The following PSMD3 variants were observed in gnomAD, a reference collection of about 807,000 sequenced individuals.
PSMD3 encodes proteasome 26S subunit, non-ATPase 3.
A neutral mutation model predicts 62.8 loss-of-function variants in PSMD3; 5 were observed. The ratio of observed to expected loss-of-function variants is 0.08; its 90% CI spans 0.04 to 0.17. The LOEUF (loss-of-function observed/expected upper bound fraction) is 0.17, where lower values mean the gene tolerates loss of function less well. Ranked by LOEUF, PSMD3 falls within the 10% of genes least tolerant of loss-of-function variation. PSMD3 has a pLI of 1.00. For missense variants in PSMD3, 524 were observed against 713.6 expected (o/e 0.73, Z 3.03); for synonymous variants, 265 against 283.9 (o/e 0.93, Z 0.67).
Position 39,995,126 on chromosome 17 carries a change from C to T in PSMD3, c.1097-50C>T, listed in dbSNP as rs1488514419. On this transcript the variant is annotated intron_variant, in intron 7 of 11. Transcript: ENST00000264639. The surrounding 1 kb of genome is among the most constrained non-coding windows in gnomAD (Gnocchi z 4.1). The stretch of plus-strand genomic sequence containing the variant: ...AGGCCCCCTTCAGTGGGGCCTCTTA[C>T]ATGCCTGTGCCTATTTGCATCATCC... 1.2e-6 allele frequency: 2 copies of T among 1,613,948 alleles called. No individual in the cohort carries two copies. The highest frequency in any genetic ancestry group is 2.7e-5 in the African/African-American group (2 of 74,920).
Position 39,995,836 on chromosome 17 carries a change from G to T in PSMD3, c.1320+309G>T. The stretch of plus-strand genomic sequence containing the variant: ...CTCTGACTTAGAAGATGGGCGTGCT[G>T]GGCCAGGCGCAGTGGCTCATGCCTG... On this transcript the variant is annotated intron_variant, in intron 9 of 11. Coordinates refer to ENST00000264639, the MANE Select transcript of PSMD3 (RefSeq NM_002809.4). The surrounding 1 kb of genome is among the most constrained non-coding windows in gnomAD (Gnocchi z 4.1). 1 of 489,110 alleles carries T rather than the reference G, an allele frequency of 2.0e-6. No homozygotes were observed. The highest frequency in any genetic ancestry group is 3.3e-5 in the Admixed American group (1 of 30,258). The allele number at this position is 489,110 out of a possible 1,614,324, so 30.3% of individuals were successfully genotyped here.
At chr17:39,987,839 G>C (rs553087943) in intron 3 of PSMD3, among the ~76,000 whole-genome samples, 58 of 152,342 alleles carry the variant, frequency 3.8e-4, no homozygotes, top group African/African-American at 1.2e-3. Flanking sequence ...CAGGTATGGT[G>C]GCTCACGCCT....
At position 39,980,912 on chromosome 17, in the gene PSMD3, C is replaced by T; in HGVS notation, c.-59C>T. 2 of 1,404,196 alleles carry T rather than the reference C, an allele frequency of 1.4e-6. No individual in the cohort carries two copies. The highest frequency in any genetic ancestry group is 1.9e-6 in the Non-Finnish European group (2 of 1,066,814). The allele number at this position is 1,404,196 out of a possible 1,614,324, so 87.0% of individuals were successfully genotyped here. ...CCGGCTCGGCTCCTGGTCCCCGGTG[C>T]GAGGGTTAACGCGAGGCCCCGGCCT... On this transcript the variant is annotated 5_prime_UTR_variant, in exon 1 of 12. Transcript: ENST00000264639.
At chr17:39,992,217 C>T (rs1425258004) in intron 6 of PSMD3, among the ~76,000 whole-genome samples, 2 of 152,122 alleles carry the variant, frequency 1.3e-5, no homozygotes, top group Non-Finnish European at 2.9e-5. Context: ...GTGTCATGTA[C>T]CATGAGAGAG....
chr17:39,987,094 C>T (rs974870462), intron 3 of PSMD3, among the ~76,000 whole-genome samples: 2 of 152,150 alleles, frequency 1.3e-5, no homozygotes, highest in Admixed American at 6.5e-5. Flanking sequence ...AGATGGTTAG[C>T]GTTACATAAA....
Position 39,981,193 on chromosome 17 carries a change from AC to A in PSMD3, c.220+4del. ...GCTGGACACAGTCACCTTGGAGGGT[AC>A]GGCAGCCCAGGCCGGGAACGTGCCG... On this transcript the variant is annotated splice_donor_region_variant and intron_variant, in intron 1 of 11. Coordinates refer to ENST00000264639, the MANE Select transcript of PSMD3 (RefSeq NM_002809.4). 1 of 1,550,054 alleles carries A rather than the reference AC, an allele frequency of 6.5e-7. No homozygotes were observed. Among genetic ancestry groups the A allele is most frequent in the Non-Finnish European group, 8.7e-7 (1 of 1,146,664 alleles).
Position 39,980,899 on chromosome 17 carries a change from C to T in PSMD3, c.-72C>T. ...CTCGTGTGCAGGCCCGGCTCGGCTCCTGGTCCCCGGTGCGAGGGTTAACGC... is the reference window on the plus strand; with the variant it reads ...CTCGTGTGCAGGCCCGGCTCGGCTCTTGGTCCCCGGTGCGAGGGTTAACGC... On this transcript the variant is annotated 5_prime_UTR_variant, in exon 1 of 12. Coordinates refer to ENST00000264639, the MANE Select transcript of PSMD3 (RefSeq NM_002809.4). 1 of 1,355,208 alleles carries T rather than the reference C, an allele frequency of 7.4e-7. No homozygotes were observed. The highest frequency in any genetic ancestry group is 1.5e-5 in the South Asian group (1 of 66,020). 83.9% of individuals were successfully genotyped at this position (1,355,208 alleles called of 1,614,324 possible).
intron 2 of PSMD3, 122 bp from the exon 3 acceptor site, chr17:39,986,453 A>G: frequency 8.0e-7 from 1 of 1,247,038 alleles, no homozygotes; most frequent in Non-Finnish European, 1.1e-6. Flanking sequence ...CTAGCACCTA[A>G]CAAAATCTTG....
intron 1 of PSMD3, 86 bp from the exon 2 acceptor site, chr17:39,984,199 CAAAAAAAAA>C (rs34306234): frequency 2.0e-4 from 63 of 321,430 alleles, no homozygotes; most frequent in African/African-American, 1.6e-3. Context: ...GACTCCGTCT[CAAAAAAAAA>C]AAAAAAAAAA....
chr17:39,983,119 G>A (rs1980426749), intron 1 of PSMD3, among the ~76,000 whole-genome samples: 1 of 151,124 alleles, frequency 6.6e-6, no homozygotes, highest in East Asian at 1.9e-4. Flanking sequence ...TGCAACCTCT[G>A]CCTCCCAAGT....
At chr17:39,985,022 G>A (rs1051186434) in intron 2 of PSMD3, among the ~76,000 whole-genome samples, 2 of 151,944 alleles carry the variant, frequency 1.3e-5, no homozygotes, top group Admixed American at 1.3e-4. Flanking sequence ...CCGCCCAGGA[G>A]TTTGAGACCA....
Position 39,996,633 on chromosome 17 carries a change from T to G in PSMD3, c.1476+295T>G. Reference sequence around the variant, plus strand: ...GGTTCCAAATTTGAGGCATTTAACTTCTCAAAGCTCTGTTTCTCCATCTCT... The same window carrying G: ...GGTTCCAAATTTGAGGCATTTAACTGCTCAAAGCTCTGTTTCTCCATCTCT... On this transcript the variant is annotated intron_variant, in intron 10 of 11. Transcript: ENST00000264639. The surrounding 1 kb of genome is among the most constrained non-coding windows in gnomAD (Gnocchi z 5.1). 1 of 572,216 alleles carries G rather than the reference T, an allele frequency of 1.7e-6. No individual in the cohort carries two copies. The allele number at this position is 572,216 out of a possible 1,614,324, so 35.4% of individuals were successfully genotyped here. A position where few individuals can be genotyped will look rare whatever the true frequency, so the allele number is the denominator to read the frequency against.
chr17:39,984,078 TA>T, intron 1 of PSMD3, among the ~76,000 whole-genome samples: 1 of 151,846 alleles, frequency 6.6e-6, no homozygotes, highest in Admixed American at 6.6e-5. Flanking sequence ...CGGGTGCCTG[TA>T]GTCCCAGCTA....
intron 6 of PSMD3, among the ~76,000 whole-genome samples, chr17:39,990,889 G>A (rs995664723): frequency 2.0e-5 from 3 of 152,200 alleles, no homozygotes; most frequent in African/African-American, 7.2e-5. Flanking sequence ...CTTAAGAGCT[G>A]TCAGTCAGCA....
At chr17:39,991,734 GAGAA>G (rs1313424426) in intron 6 of PSMD3, among the ~76,000 whole-genome samples, 1 of 152,182 alleles carries the variant, frequency 6.6e-6, no homozygotes, top group African/African-American at 2.4e-5. Context: ...AATAATGAAA[GAGAA>G]AGGGTCTTAA....
Position 39,995,913 on chromosome 17 carries a change from G to A in PSMD3, c.1321-270G>A, listed in dbSNP as rs1035339554. The A allele has an allele frequency of 2.0e-6, 1 of 491,592 alleles. No individual in the cohort carries two copies. The highest frequency in any genetic ancestry group is 1.9e-5 in the African/African-American group (1 of 51,356). The allele number at this position is 491,592 out of a possible 1,614,324, so 30.5% of individuals were successfully genotyped here. A position where few individuals can be genotyped will look rare whatever the true frequency, so the allele number is the denominator to read the frequency against. On this transcript the variant is annotated intron_variant, in intron 9 of 11. Transcript: ENST00000264639. This position sits in a 1 kb window ranked among gnomAD's most constrained non-coding sequence, Gnocchi z 4.1. Reference sequence around the variant, plus strand: ...ATGGGCAGATCACCTGAGGTCAGGAGTTTGAGACAAGCCTGGCCAACTTGG... The same window carrying A: ...ATGGGCAGATCACCTGAGGTCAGGAATTTGAGACAAGCCTGGCCAACTTGG...
At position 39,981,050 on chromosome 17, in the gene PSMD3, C is replaced by A. The variant is rs1252220596; in HGVS notation, c.80C>A (p.Pro27Gln). ...PPPGGGEQEPPPPPAPQDVEM... is the reference protein window; with the variant it reads ...PPPGGGEQEPQPPPAPQDVEM... The stretch of plus-strand genomic sequence containing the variant: ...CCCGGCGGAGGAGAACAAGAACCCC[C>A]ACCGCCGCCGGCCCCCCAGGATGTG... The change falls in exon 1 of 12, where the codon CCA (proline) becomes CAA (glutamine). Residue 27 changes from proline to glutamine, a missense_variant. This residue lies in a region of PSMD3 where 396 missense variants were observed against 475.8 expected (regional missense o/e 0.83). Transcript: ENST00000264639. The A allele has an allele frequency of 6.5e-7, 1 of 1,549,842 alleles. No homozygotes were observed. The highest frequency in any genetic ancestry group is 8.7e-7 in the Non-Finnish European group (1 of 1,146,688).
At chr17:39,994,835 TA>T in intron 6 of PSMD3, 118 bp from the exon 7 acceptor site, 2 of 845,832 alleles carry the variant, frequency 2.4e-6, no homozygotes, top group Non-Finnish European at 3.8e-6. Flanking sequence ...TCTCTGGGCC[TA>T]AACAGTGATC....
In PSMD3 at chr17:39,996,188, C is replaced by A; in HGVS notation, c.1326C>A (p.Ile442=). 1 of 1,613,922 alleles carries A rather than the reference C, an allele frequency of 6.2e-7. No individual in the cohort carries two copies. The highest frequency in any genetic ancestry group is 1.1e-5 in the South Asian group (1 of 91,052). ...TCCTCTTTGGGGGCCTGCAGGCCAT[C>A]CGGGATGGTGTCATTGAGGCCAGCA... ...EDAEFIVAKA[I]RDGVIEASIN... The change falls in exon 10 of 12, where the codon ATC becomes ATA. Residue 442 remains isoleucine, a synonymous_variant. Coordinates refer to ENST00000264639, the MANE Select transcript of PSMD3 (RefSeq NM_002809.4). This position sits in a 1 kb window ranked among gnomAD's most constrained non-coding sequence, Gnocchi z 5.1.
Sources: gnomAD v4.1 joint callset for allele counts (sites outside exome capture counted in the v4.1 genomes callset) on GRCh38, gnomAD v4.1.1 for gene constraint, gnomAD v4.1.1 regional missense constraint, Gnocchi (gnomAD v3.1) non-coding constraint, MANE v1.5 for transcripts, NCBI Gene and HGNC (gene_info 2026-07-23, HGNC 2026-07-21) for gene names.